Variants in EFR3B observed in about 807,000 individuals in gnomAD.
The protein encoded by EFR3B is protein EFR3 homolog B.
Under a neutral mutation model 104.7 loss-of-function variants are expected in EFR3B, and 64 were observed. The observed-to-expected ratio is 0.61, with a 90% CI of 0.50 to 0.75. EFR3B has a LOEUF of 0.75. Among genes scored for constraint, EFR3B ranks in the 30% least tolerant of loss-of-function variants. EFR3B has a pLI of 0.00. For synonymous variants in EFR3B, 385 were observed against 417.9 expected, an observed-to-expected ratio of 0.92 and a Z score of 0.96; for missense variants, 750 against 1,078.5, an observed-to-expected ratio of 0.70 and a Z score of 4.27.
At chr2:25,153,643 C>T (rs1025884441) in intron 21 of EFR3B, 69 bp from the exon 22 acceptor site, 17 of 1,516,126 alleles carry the variant, frequency 1.1e-5, no homozygotes, top group Admixed American at 7.9e-5. Flanking sequence ...CTCTGGACAC[C>T]CTGAGCCAGC....
At chr2:25,072,434 C>T (rs1668524274) in intron 1 of EFR3B, among the ~76,000 whole-genome samples, 2 of 152,172 alleles carry the variant, frequency 1.3e-5, no homozygotes, top group Non-Finnish European at 2.9e-5. Flanking sequence ...GTGCATGCTA[C>T]CACACTGGGC....
At chr2:25,108,123 C>T (rs1263795158) in intron 4 of EFR3B, among the ~76,000 whole-genome samples, 1 of 152,222 alleles carries the variant, frequency 6.6e-6, no homozygotes, top group African/African-American at 2.4e-5. Flanking sequence ...TGTGAGCCAC[C>T]GTGCCCAGTG....
chr2:25,054,313 A>C (rs987921768), intron 1 of EFR3B, among the ~76,000 whole-genome samples: 1 of 152,034 alleles, frequency 6.6e-6, no homozygotes, highest in South Asian at 2.1e-4. Flanking sequence ...TATTATTACC[A>C]TGCAAGTAAT....
At chr2:25,120,372 G>T (rs529920560) in intron 4 of EFR3B, among the ~76,000 whole-genome samples, 6 of 151,238 alleles carry the variant, frequency 4.0e-5, no homozygotes, top group Admixed American at 1.3e-4. Context: ...CTGGCCGGGC[G>T]CAGTGGCTCA....
rs1446405318 is a variant in EFR3B, at chr2:25,091,401, G to A, written c.84G>A (p.Glu28=). ...LVDNIFPEDP[E]DGLVKTNMEK... is the part of the protein sequence containing the mutation. ...ACAACATCTTCCCTGAGGATCCCGA[G>A]GTGGGTCATGTCTCTGGCAGGCATC... Residue 28 remains glutamate, a splice_region_variant and synonymous_variant, in exon 2 of 23, where the codon GAG becomes GAA. Coordinates refer to ENST00000403714, the MANE Select transcript of EFR3B (RefSeq NM_014971.2). The A allele has an allele frequency of 6.5e-7, 1 of 1,548,944 alleles. No homozygotes were observed. The highest frequency in any genetic ancestry group is 8.7e-7 in the Non-Finnish European group (1 of 1,145,998).
At position 25,042,291 on chromosome 2, in the gene EFR3B, G is replaced by C. The variant is rs2149159892; in HGVS notation, c.-22G>C. 1 of 1,295,758 alleles carries C rather than the reference G, an allele frequency of 7.7e-7. No individual in the cohort carries two copies. Among genetic ancestry groups the C allele is most frequent in the East Asian group, 3.2e-5 (1 of 31,736 alleles). 80.3% of individuals were successfully genotyped at this position (1,295,758 alleles called of 1,614,324 possible). On this transcript the variant is annotated 5_prime_UTR_variant, in exon 1 of 23. Transcript: ENST00000403714. The surrounding 1 kb of genome is among the most constrained non-coding windows in gnomAD (Gnocchi z 5.4). ...AACGCCGCAGCGACGCCGGCCTCTC[G>C]AGAGGCGCGCGCCCCGCCGAGATGT...
chr2:25,062,282 T>C (rs528558821), intron 1 of EFR3B, among the ~76,000 whole-genome samples: 1 of 152,062 alleles, frequency 6.6e-6, no homozygotes, highest in Non-Finnish European at 1.5e-5. Flanking sequence ...AGAAATCAGA[T>C]AGTTGGGCCA....
intron 1 of EFR3B, among the ~76,000 whole-genome samples, chr2:25,054,485 C>A (rs896442874): frequency 1.3e-5 from 2 of 152,004 alleles, no homozygotes; most frequent in African/African-American, 4.8e-5. Flanking sequence ...CCACTCCCAG[C>A]TAATTTTTTG....
intron 1 of EFR3B, among the ~76,000 whole-genome samples, chr2:25,082,970 CAG>C (rs1491305971): frequency 2.0e-5 from 3 of 152,106 alleles, no homozygotes; most frequent in African/African-American, 7.2e-5. Context: ...ACATTCTGGA[CAG>C]GGGGTTTGGG....
At chr2:25,125,808 C>T (rs1314572788) in intron 5 of EFR3B, among the ~76,000 whole-genome samples, 4 of 152,104 alleles carry the variant, frequency 2.6e-5, no homozygotes, top group South Asian at 2.1e-4. Context: ...AATAGCCAGG[C>T]GTGGTGGCGG....
chr2:25,048,836 C>G (rs1415059404), intron 1 of EFR3B, among the ~76,000 whole-genome samples: 1 of 152,194 alleles, frequency 6.6e-6, no homozygotes, highest in Non-Finnish European at 1.5e-5. Context: ...GTAGTGGTCC[C>G]CCGGGCCCAG....
intron 4 of EFR3B, among the ~76,000 whole-genome samples, chr2:25,105,398 G>C (rs1272597714): frequency 6.6e-6 from 1 of 152,176 alleles, no homozygotes; most frequent in Non-Finnish European, 1.5e-5. Context: ...TGATTCACCC[G>C]CCTCAGCCTC....
Position 25,081,636 on chromosome 2 carries a change from G to A in EFR3B, c.8-9689G>A. The A allele has an allele frequency of 4.5e-6, 3 of 672,062 alleles. No homozygotes were observed. In the South Asian group the frequency reaches 5.5e-5, roughly 12 times the overall value. The allele number at this position is 672,062 out of a possible 1,614,324, so 41.6% of individuals were successfully genotyped here. On this transcript the variant is annotated intron_variant, in intron 1 of 22. Coordinates refer to ENST00000403714, the MANE Select transcript of EFR3B (RefSeq NM_014971.2). Reference sequence around the variant, plus strand: ...CCCGCAGGGCTGTCCAGAGAAGGTGGCCCCGAAGGGTAGCTGCGGCCAACA... The same window carrying A: ...CCCGCAGGGCTGTCCAGAGAAGGTGACCCCGAAGGGTAGCTGCGGCCAACA...
chr2:25,131,256 GC>G lies in EFR3B; in HGVS notation c.850-110del, dbSNP rs1343166471. 7.8e-6 allele frequency: 11 copies of G among 1,407,882 alleles called. No homozygotes were observed. Among genetic ancestry groups the G allele is most frequent in the Non-Finnish European group, 8.5e-6 (9 of 1,052,904 alleles). The allele number at this position is 1,407,882 out of a possible 1,614,324, so 87.2% of individuals were successfully genotyped here. A position where few individuals can be genotyped will look rare whatever the true frequency, so the allele number is the denominator to read the frequency against. On this transcript the variant is annotated intron_variant, in intron 8 of 22. Coordinates refer to ENST00000403714, the MANE Select transcript of EFR3B (RefSeq NM_014971.2). This position sits in a 1 kb window ranked among gnomAD's most constrained non-coding sequence, Gnocchi z 7.6. ...GTCAGTGCCAACTGCAGTGCCCGGG[GC>G]CTTGGAACGTCCCTTTAGTTTACCC...
chr2:25,112,822 G>A (rs1246713280), intron 4 of EFR3B, among the ~76,000 whole-genome samples: 2 of 152,202 alleles, frequency 1.3e-5, no homozygotes, highest in East Asian at 1.9e-4. Context: ...TGGGTTTTAT[G>A]TATGCCCAGT....
chr2:25,068,290 T>A (rs993654366), intron 1 of EFR3B, among the ~76,000 whole-genome samples: 5 of 152,092 alleles, frequency 3.3e-5, no homozygotes, highest in Non-Finnish European at 1.5e-5. Context: ...CTGTTTCCAC[T>A]CCCCACACTG....
At chr2:25,116,723 A>G (rs1408002566) in intron 4 of EFR3B, among the ~76,000 whole-genome samples, 2 of 151,802 alleles carry the variant, frequency 1.3e-5, no homozygotes, top group Non-Finnish European at 2.9e-5. Flanking sequence ...CCGCAGAAGG[A>G]GAGAGCAAGG....
At chr2:25,140,522 G>T (rs1670633943) in intron 16 of EFR3B, among the ~76,000 whole-genome samples, 2 of 151,906 alleles carry the variant, frequency 1.3e-5, no homozygotes, top group Non-Finnish European at 2.9e-5. Flanking sequence ...GACAATTGTG[G>T]GACCTTTACC....
chr2:25,139,819 G>A (rs766263230), intron 16 of EFR3B, among the ~76,000 whole-genome samples: 1 of 152,170 alleles, frequency 6.6e-6, no homozygotes, highest in Non-Finnish European at 1.5e-5. Flanking sequence ...ATATCCGTCT[G>A]CATGCCTGAA....
Sources: allele counts gnomAD v4.1 joint callset (sites outside exome capture counted in the v4.1 genomes callset), GRCh38; gene constraint gnomAD v4.1.1; non-coding constraint Gnocchi (gnomAD v3.1); transcripts MANE v1.5; gene names NCBI Gene and HGNC (gene_info 2026-07-23, HGNC 2026-07-21).